The following RAB17 variants were observed in gnomAD, a reference collection of about 807,000 sequenced individuals.
RAB17 encodes the protein RAB17, member RAS oncogene family.
RAB17 carries 15 observed loss-of-function variants against 19.3 expected under a neutral mutation model. That is an observed-to-expected ratio of 0.78 (90% CI 0.52 to 1.20). RAB17 has a LOEUF of 1.20. RAB17 is among the 50% of genes most tolerant of loss of function. RAB17 has a pLI of 0.00. For synonymous variants in RAB17, 110 were observed against 112.8 expected (o/e 0.97, Z 0.16); for missense variants, 262 against 269.3 (o/e 0.97, Z 0.19).
chr2:237,575,139 C>T lies in RAB17; in HGVS notation c.530-11G>A, dbSNP rs755676860. 38 of 1,607,540 alleles carry T rather than the reference C, an allele frequency of 2.4e-5. 1 individual carries two copies. In the South Asian group the frequency reaches 3.7e-4, roughly 16 times the overall value. ...GCAGTAGCTCTTGGGCTGTGAACAG[C>T]AAGAGGAGGGGGCTGGCTAGGGAGG... On this transcript the variant is annotated splice_polypyrimidine_tract_variant and intron_variant, in intron 5 of 5. Coordinates refer to ENST00000264601, the MANE Select transcript of RAB17 (RefSeq NM_022449.4).
At chr2:237,577,037 T>C (rs1048603321) in intron 4 of RAB17, among the ~76,000 whole-genome samples, 1 of 151,802 alleles carries the variant, frequency 6.6e-6, no homozygotes, top group African/African-American at 2.4e-5. Context: ...TGCGTGTGTG[T>C]GTGTTCACTT....
At chr2:237,581,008 C>G (rs1460142907) in intron 2 of RAB17, among the ~76,000 whole-genome samples, 3 of 152,218 alleles carry the variant, frequency 2.0e-5, no homozygotes, top group South Asian at 2.1e-4. Context: ...ACCCGGAAGA[C>G]AGCATGCATT....
chr2:237,586,130 G>C lies in RAB17; in HGVS notation c.25C>G (p.Gln9Glu), dbSNP rs374343059. ...GGCTGGCTGGGGGCAGCCCTGGGCT[G>C]GGGGGTCCTGTGTGCCTGTGCCATG... MAQAHRTP[Q>E]PRAAPSQPRV... Residue 9 changes from glutamine to glutamate, a missense_variant, in exon 2 of 6, where the codon CAG (glutamine) becomes GAG (glutamate). Transcript: ENST00000264601. The C allele has an allele frequency of 6.2e-7, 1 of 1,604,840 alleles. No homozygotes were observed. Among genetic ancestry groups the C allele is most frequent in the Non-Finnish European group, 8.5e-7 (1 of 1,176,124 alleles).
chr2:237,577,581 GA>G, intron 3 of RAB17, 199 bp from the exon 4 acceptor site: 2 of 592,660 alleles, frequency 3.4e-6, no homozygotes, highest in South Asian at 4.3e-5. Context: ...CGGCCAGGCA[GA>G]AAACTGCTAG....
intron 2 of RAB17, among the ~76,000 whole-genome samples, chr2:237,582,315 G>A (rs1299364603): frequency 6.6e-6 from 1 of 152,230 alleles, no homozygotes; most frequent in Non-Finnish European, 1.5e-5. Flanking sequence ...AGACCCTCGG[G>A]AGGGCCCCAG....
At chr2:237,580,763 G>A (rs1297230446) in intron 2 of RAB17, among the ~76,000 whole-genome samples, 1 of 151,564 alleles carries the variant, frequency 6.6e-6, no homozygotes, top group Non-Finnish European at 1.5e-5. Context: ...GAAGGGGGGG[G>A]AGGAGGGGAG....
At chr2:237,582,423 C>A (rs532751450) in intron 2 of RAB17, among the ~76,000 whole-genome samples, 3 of 152,212 alleles carry the variant, frequency 2.0e-5, no homozygotes, top group African/African-American at 7.2e-5. Context: ...CATGGAGAGG[C>A]CACTCCAGGA....
intron 3 of RAB17, chr2:237,577,774 A>C: frequency 1.9e-6 from 1 of 537,178 alleles, no homozygotes. Context: ...AGCACCAGGA[A>C]CTACTGAGTG....
At chr2:237,580,469 A>C (rs2081299260) in intron 2 of RAB17, among the ~76,000 whole-genome samples, 1 of 152,156 alleles carries the variant, frequency 6.6e-6, no homozygotes, top group South Asian at 2.1e-4. Flanking sequence ...GGCTGGGCAC[A>C]GTGGCTCATG....
intron 2 of RAB17, among the ~76,000 whole-genome samples, chr2:237,584,048 G>A (rs2081329339): frequency 6.6e-6 from 1 of 151,974 alleles, no homozygotes. Flanking sequence ...CAGGTGTGAG[G>A]GGGATGCTCG....
At chr2:237,588,856 A>T (rs1027627344) in intron 1 of RAB17, among the ~76,000 whole-genome samples, 8 of 152,254 alleles carry the variant, frequency 5.3e-5, no homozygotes, top group Non-Finnish European at 1.0e-4. Flanking sequence ...ACTCTGAAGG[A>T]ATGCACCATG....
At chr2:237,588,230 G>GC (rs58757840) in intron 1 of RAB17, among the ~76,000 whole-genome samples, 39,858 of 152,012 alleles carry the variant, frequency 0.26, 6,907 homozygotes, top group African/African-American at 0.5. Context: ...TAACACTGCT[G>GC]CGTCTTGCAC....
chr2:237,582,064 G>A (rs905925921), intron 2 of RAB17, among the ~76,000 whole-genome samples: 25 of 152,250 alleles, frequency 1.6e-4, no homozygotes, highest in African/African-American at 5.5e-4. Context: ...GGGGGTGGGC[G>A]GGAGGCTGCG....
At chr2:237,576,591 G>C in intron 4 of RAB17, 1 of 471,202 alleles carries the variant, frequency 2.1e-6, no homozygotes, top group Non-Finnish European at 4.4e-6. Context: ...CGCGCCCGTC[G>C]GTCTAAGCCC....
At chr2:237,575,336 G>T in intron 5 of RAB17, 51 bp downstream of exon 5, 1 of 1,444,142 alleles carries the variant, frequency 6.9e-7, no homozygotes, top group Non-Finnish European at 9.6e-7. Context: ...CAGGGAAGTT[G>T]GTCAGGGACA....
intron 2 of RAB17, among the ~76,000 whole-genome samples, chr2:237,584,692 C>T (rs1403959044): frequency 6.6e-6 from 1 of 152,178 alleles, no homozygotes; most frequent in Admixed American, 6.5e-5. Flanking sequence ...TCTTGAATAC[C>T]AGCCACCCAG....
At chr2:237,576,807 T>C (rs1314363866) in intron 4 of RAB17, 4 of 454,190 alleles carry the variant, frequency 8.8e-6, no homozygotes, top group African/African-American at 8.0e-5. Flanking sequence ...AGGCTACATT[T>C]GCACAGAAGC....
At position 237,574,943 on chromosome 2, in the gene RAB17, G is replaced by A. The variant is rs2081248976; in HGVS notation, c.*76C>T. 8.5e-7 allele frequency: 1 copy of A among 1,169,992 alleles called. No homozygotes were observed. The highest frequency in any genetic ancestry group is 2.5e-5 in the East Asian group (1 of 39,450). 72.5% of individuals were successfully genotyped at this position (1,169,992 alleles called of 1,614,324 possible). On this transcript the variant is annotated 3_prime_UTR_variant, in exon 6 of 6. Transcript: ENST00000264601. ...TCGGGAGCAACCCAGCATTGACAGT[G>A]AATCAGAATCCACCTAGAGCTGGCC...
At chr2:237,580,318 C>T (rs1175436453) in intron 2 of RAB17, among the ~76,000 whole-genome samples, 1 of 152,238 alleles carries the variant, frequency 6.6e-6, no homozygotes, top group Non-Finnish European at 1.5e-5. Flanking sequence ...CACTTCAAAT[C>T]ACATTTCTCA....
Sources: allele counts gnomAD v4.1 joint callset (sites outside exome capture counted in the v4.1 genomes callset), GRCh38; gene constraint gnomAD v4.1.1; transcripts MANE v1.5; gene names NCBI Gene and HGNC (gene_info 2026-07-23, HGNC 2026-07-21).